CHRM3: variants seen among roughly 807,000 people sequenced by gnomAD.
CHRM3 encodes cholinergic receptor muscarinic 3.
In CHRM3, 11 loss-of-function variants were observed where a neutral mutation model predicts 41.8. The ratio of observed to expected loss-of-function variants is 0.26; its 90% CI spans 0.17 to 0.44. The LOEUF is 0.44. CHRM3 is among the 20% of genes least tolerant of loss of function. CHRM3 has a pLI of 1.00. For synonymous variants in CHRM3, 297 were observed against 301.4 expected, an observed-to-expected ratio of 0.99 and a Z score of 0.15; for missense variants, 571 against 745.4, an observed-to-expected ratio of 0.77 and a Z score of 2.72.
intron 5 of CHRM3, among the ~76,000 whole-genome samples, chr1:239,822,285 G>A (rs953439761): frequency 1.3e-5 from 2 of 152,170 alleles, no homozygotes; most frequent in Admixed American, 1.3e-4. Flanking sequence ...CCGTAACTTG[G>A]TTCTGATGCT....
chr1:239,847,717 T>TAC (rs1438549915), intron 6 of CHRM3, among the ~76,000 whole-genome samples: 4 of 151,422 alleles, frequency 2.6e-5, no homozygotes, highest in East Asian at 1.9e-4. Flanking sequence ...CACATACATA[T>TAC]ACACACACAC....
intron 6 of CHRM3, among the ~76,000 whole-genome samples, chr1:239,835,839 C>A (rs949640447): frequency 5.9e-5 from 9 of 152,164 alleles, no homozygotes; most frequent in Admixed American, 5.2e-4. Flanking sequence ...GAAGGATGAA[C>A]GAACATGGAC....
chr1:239,849,165 A>G (rs1674505412), intron 6 of CHRM3, among the ~76,000 whole-genome samples: 1 of 152,218 alleles, frequency 6.6e-6, no homozygotes, highest in Non-Finnish European at 1.5e-5. Flanking sequence ...TGTATACTCT[A>G]GTTATATTTG....
At chr1:239,855,863 T>A (rs1166040659) in intron 6 of CHRM3, among the ~76,000 whole-genome samples, 2 of 152,196 alleles carry the variant, frequency 1.3e-5, no homozygotes, top group Non-Finnish European at 2.9e-5. Context: ...TCATATTTAT[T>A]TGATGCATTT....
At chr1:239,595,433 A>G (rs188454158) in intron 3 of CHRM3, among the ~76,000 whole-genome samples, 1 of 152,246 alleles carries the variant, frequency 6.6e-6, no homozygotes, top group African/African-American at 2.4e-5. Flanking sequence ...ATGACTTAAG[A>G]TATTGACATA....
chr1:239,618,207 A>C (rs1667848963), intron 3 of CHRM3, among the ~76,000 whole-genome samples: 1 of 150,308 alleles, frequency 6.7e-6, no homozygotes, highest in African/African-American at 2.5e-5. Context: ...TGGGGCTTGC[A>C]GTCTTTACCC....
At chr1:239,829,348 G>T (rs1672717597) in intron 6 of CHRM3, among the ~76,000 whole-genome samples, 1 of 151,886 alleles carries the variant, frequency 6.6e-6, no homozygotes, top group African/African-American at 2.4e-5. Flanking sequence ...TTCCCAGTTG[G>T]TACAGCCCCC....
chr1:239,836,981 A>G (rs1673376097), intron 6 of CHRM3, among the ~76,000 whole-genome samples: 1 of 151,920 alleles, frequency 6.6e-6, no homozygotes, highest in Admixed American at 6.6e-5. Context: ...CTTAAAAAAA[A>G]AAAAAAAAGA....
In CHRM3 at chr1:239,530,548, G is replaced by C. The variant is rs551689260; in HGVS notation, c.-421-15093G>C. ...GTGCAGGGTTCCAGGTATGAAACTA[G>C]GTATACAAACGTCAGTGGATTTCAG... On this transcript the variant is annotated intron_variant, in intron 2 of 6. Coordinates refer to ENST00000676153, the MANE Select transcript of CHRM3 (RefSeq NM_001375978.1). Among the ~76,000 whole-genome samples, 3 of 152,240 alleles carry C rather than the reference G, an allele frequency of 2.0e-5. No individual in the cohort carries two copies. In the South Asian group the frequency reaches 6.2e-4, roughly 32 times the overall value.
chr1:239,785,303 C>A (rs1048413793), intron 5 of CHRM3, among the ~76,000 whole-genome samples: 1 of 152,152 alleles, frequency 6.6e-6, no homozygotes, highest in Non-Finnish European at 1.5e-5. Flanking sequence ...TTGTATAGAT[C>A]AGCTGAAATT....
At chr1:239,620,761 A>T (rs2148812455) in intron 3 of CHRM3, among the ~76,000 whole-genome samples, 1 of 152,224 alleles carries the variant, frequency 6.6e-6, no homozygotes, top group African/African-American at 2.4e-5. Context: ...ATAAATAGTA[A>T]AAGAATAGGG....
intron 5 of CHRM3, among the ~76,000 whole-genome samples, chr1:239,732,989 G>A (rs1280940536): frequency 6.6e-6 from 1 of 151,566 alleles, no homozygotes; most frequent in Non-Finnish European, 1.5e-5. Context: ...TTGTTTAATT[G>A]GATTAACTTT....
chr1:239,479,631 G>A (rs1558253698), intron 1 of CHRM3, among the ~76,000 whole-genome samples: 4 of 152,320 alleles, frequency 2.6e-5, no homozygotes, highest in African/African-American at 2.4e-5. Context: ...CCTAGGCTAT[G>A]TGTTATAGCC....
intron 5 of CHRM3, among the ~76,000 whole-genome samples, chr1:239,774,148 A>G (rs770195027): frequency 3.9e-5 from 6 of 152,200 alleles, no homozygotes; most frequent in Non-Finnish European, 7.3e-5. Context: ...CCCGTGATCA[A>G]CATGCCAGTA....
At chr1:239,765,281 T>C (rs577877788) in intron 5 of CHRM3, among the ~76,000 whole-genome samples, 5 of 152,304 alleles carry the variant, frequency 3.3e-5, no homozygotes, top group African/African-American at 1.2e-4. Flanking sequence ...ATCTCTGTCC[T>C]CCCTGATGCT....
chr1:239,425,880 G>A (rs1019930153), intron 1 of CHRM3, among the ~76,000 whole-genome samples: 1 of 152,094 alleles, frequency 6.6e-6, no homozygotes, highest in African/African-American at 2.4e-5. Context: ...CCTTCCCTGT[G>A]ACATATGGGT....
At chr1:239,666,327 T>G (rs1426039539) in intron 4 of CHRM3, among the ~76,000 whole-genome samples, 3 of 150,710 alleles carry the variant, frequency 2.0e-5, no homozygotes, top group African/African-American at 7.3e-5. Flanking sequence ...CCTGAATAGC[T>G]GGGACTACGG....
At chr1:239,795,719 G>A (rs930474367) in intron 5 of CHRM3, among the ~76,000 whole-genome samples, 8 of 152,164 alleles carry the variant, frequency 5.3e-5, no homozygotes, top group Admixed American at 3.3e-4. Context: ...AATTAGGAAA[G>A]CATTGAAAAG....
intron 5 of CHRM3, among the ~76,000 whole-genome samples, chr1:239,772,622 A>G (rs778878611): frequency 3.9e-5 from 6 of 152,168 alleles, no homozygotes; most frequent in Non-Finnish European, 8.8e-5. Flanking sequence ...TTGTCAGAGC[A>G]TTTACAGCAG....
Sources: gnomAD v4.1 joint callset for allele counts (sites outside exome capture counted in the v4.1 genomes callset) on GRCh38, gnomAD v4.1.1 for gene constraint, MANE v1.5 for transcripts, NCBI Gene and HGNC (gene_info 2026-07-23, HGNC 2026-07-21) for gene names.